Variants in GALNT13 observed in about 807,000 individuals in gnomAD.
GALNT13 encodes polypeptide N-acetylgalactosaminyltransferase 13.
Under a neutral mutation model 64.2 loss-of-function variants are expected in GALNT13, and 28 were observed. The ratio of observed to expected loss-of-function variants is 0.44; its 90% CI spans 0.32 to 0.60. The LOEUF (loss-of-function observed/expected upper bound fraction) is 0.60, where lower values mean the gene tolerates loss of function less well. Ranked by LOEUF, GALNT13 falls within the 20% of genes least tolerant of loss-of-function variation. GALNT13 has a pLI of 0.05. For missense variants in GALNT13, 577 were observed against 669.8 expected, an observed-to-expected ratio of 0.86 and a Z score of 1.53; for synonymous variants, 214 against 224.6, an observed-to-expected ratio of 0.95 and a Z score of 0.42.
At chr2:154,284,501 G>A (rs1692145611) in intron 8 of GALNT13, among the ~76,000 whole-genome samples, 1 of 133,450 alleles carries the variant, frequency 7.5e-6, no homozygotes, top group Admixed American at 7.4e-5. Context: ...GTGTATATAT[G>A]TATCTGTATA....
chr2:153,644,114 T>G, the GALNT13 span, among the ~76,000 whole-genome samples: 3 of 152,044 alleles, frequency 2.0e-5, no homozygotes, highest in Non-Finnish European at 2.9e-5. Context: ...AGGGACACTG[T>G]CATTATTTGT....
At chr2:153,316,564 C>T in the GALNT13 span, among the ~76,000 whole-genome samples, 1 of 144,844 alleles carries the variant, frequency 6.9e-6, no homozygotes, top group Admixed American at 7.3e-5. Context: ...TTGCTTGAAC[C>T]AGACAGTCGG....
At chr2:153,864,291 A>C in the GALNT13 span, among the ~76,000 whole-genome samples, 1 of 152,312 alleles carries the variant, frequency 6.6e-6, no homozygotes, top group South Asian at 2.1e-4. Flanking sequence ...TTACTGCCCA[A>C]TCAAGAATTC....
At chr2:154,044,735 TA>T (rs1239255273) in intron 3 of GALNT13, among the ~76,000 whole-genome samples, 2 of 152,334 alleles carry the variant, frequency 1.3e-5, no homozygotes, top group African/African-American at 4.8e-5. Context: ...GGATAATTCT[TA>T]TGTCTGTTTA....
intron 2 of GALNT13, among the ~76,000 whole-genome samples, chr2:153,911,640 G>T (rs1240534864): frequency 6.6e-6 from 1 of 152,080 alleles, no homozygotes; most frequent in South Asian, 2.1e-4. Flanking sequence ...TGTCTGAAAA[G>T]CATCTTATTT....
the GALNT13 span, among the ~76,000 whole-genome samples, chr2:153,396,156 G>C: frequency 4.6e-5 from 7 of 152,078 alleles, no homozygotes; most frequent in Non-Finnish European, 1.0e-4. Flanking sequence ...CTAAAGCAAT[G>C]ACAGTGGGAC....
At chr2:153,828,276 C>A in the GALNT13 span, among the ~76,000 whole-genome samples, 1 of 152,236 alleles carries the variant, frequency 6.6e-6, no homozygotes, top group African/African-American at 2.4e-5. Flanking sequence ...GGGCTCCAAC[C>A]CCACATTTCC....
At chr2:153,979,765 G>C (rs1263367882) in intron 3 of GALNT13, among the ~76,000 whole-genome samples, 1 of 152,126 alleles carries the variant, frequency 6.6e-6, no homozygotes, top group Non-Finnish European at 1.5e-5. Context: ...GAGTAAAGAA[G>C]GGCAGATTCA....
At chr2:154,133,693 A>G (rs1682782302) in intron 3 of GALNT13, among the ~76,000 whole-genome samples, 1 of 151,268 alleles carries the variant, frequency 6.6e-6, no homozygotes, top group African/African-American at 2.4e-5. Context: ...CTTTAAAAAA[A>G]TTATTCACTG....
the GALNT13 span, among the ~76,000 whole-genome samples, chr2:153,744,766 G>C: frequency 1.3e-5 from 2 of 152,152 alleles, no homozygotes; most frequent in Non-Finnish European, 2.9e-5. Context: ...GGGACACAGA[G>C]ATGGAACAGA....
the GALNT13 span, among the ~76,000 whole-genome samples, chr2:153,464,402 TAA>T: frequency 1.6e-3 from 249 of 152,192 alleles, 2 homozygotes; most frequent in African/African-American, 5.6e-3. Flanking sequence ...CTGTTATTTT[TAA>T]GTCTAAGTTT....
At chr2:153,317,904 A>G in the GALNT13 span, among the ~76,000 whole-genome samples, 2 of 151,820 alleles carry the variant, frequency 1.3e-5, no homozygotes, top group Non-Finnish European at 2.9e-5. Flanking sequence ...TGCCTTGCAG[A>G]TTTTTTCTAG....
At chr2:153,791,857 A>C in the GALNT13 span, among the ~76,000 whole-genome samples, 1 of 152,282 alleles carries the variant, frequency 6.6e-6, no homozygotes. Flanking sequence ...CTCATTTATA[A>C]GTGGGAGCCA....
the GALNT13 span, among the ~76,000 whole-genome samples, chr2:153,738,087 A>AT: frequency 1.3e-5 from 2 of 151,108 alleles, no homozygotes; most frequent in African/African-American, 4.9e-5. Context: ...AAATATTTTT[A>AT]TTTTTCTGAA....
intron 9 of GALNT13, among the ~76,000 whole-genome samples, chr2:154,323,419 A>C (rs952024341): frequency 1.3e-5 from 2 of 152,118 alleles, no homozygotes; most frequent in African/African-American, 4.8e-5. Flanking sequence ...TTTGGTCCCT[A>C]AATAGCTTAT....
At chr2:154,101,404 G>A (rs1184768939) in intron 3 of GALNT13, among the ~76,000 whole-genome samples, 3 of 151,806 alleles carry the variant, frequency 2.0e-5, no homozygotes, top group Non-Finnish European at 4.4e-5. Context: ...TTATAAGAAT[G>A]TATCCATTTC....
At chr2:154,013,032 T>G (rs1309287457) in intron 3 of GALNT13, among the ~76,000 whole-genome samples, 1 of 150,304 alleles carries the variant, frequency 6.7e-6, no homozygotes, top group East Asian at 2.0e-4. Flanking sequence ...TTCATTCCTG[T>G]GTATATTTTG....
chr2:154,066,682 A>G (rs1395227618), intron 3 of GALNT13, among the ~76,000 whole-genome samples: 1 of 152,146 alleles, frequency 6.6e-6, no homozygotes, highest in Non-Finnish European at 1.5e-5. Flanking sequence ...AGTAAAAACA[A>G]AAGTTGAGGG....
At chr2:154,130,788 T>C (rs1057485969) in intron 3 of GALNT13, among the ~76,000 whole-genome samples, 2 of 152,238 alleles carry the variant, frequency 1.3e-5, no homozygotes, top group Non-Finnish European at 2.9e-5. Context: ...TCAAACATGA[T>C]GAATCCAGCA....
Sources: allele counts gnomAD v4.1 joint callset (sites outside exome capture counted in the v4.1 genomes callset), GRCh38; gene constraint gnomAD v4.1.1; transcripts MANE v1.5; gene names NCBI Gene and HGNC (gene_info 2026-07-23, HGNC 2026-07-21).